Variants in PAWR observed in about 807,000 individuals in gnomAD.
PAWR encodes pro-apoptotic WT1 regulator, also known as PRKC apoptosis WT1 regulator protein.
PAWR carries 23 observed loss-of-function variants against 32.0 expected under a neutral mutation model. The observed-to-expected ratio is 0.72, with a 90% CI of 0.52 to 1.02. The LOEUF is 1.02. PAWR is among the 50% of genes least tolerant of loss of function. The pLI, the probability that PAWR is intolerant of heterozygous loss-of-function variation, is 0.00. For missense variants in PAWR, 457 were observed against 437.7 expected (o/e 1.04, Z -0.39); for synonymous variants, 226 against 187.1 (o/e 1.21, Z -1.70).
At chr12:79,615,091 G>A (rs1168236323) in intron 3 of PAWR, among the ~76,000 whole-genome samples, 2 of 152,262 alleles carry the variant, frequency 1.3e-5, no homozygotes, top group South Asian at 2.1e-4. Flanking sequence ...ACTGGGATAT[G>A]GAAAAATCTT....
rs535238203 is a variant in PAWR at position 79,637,227 on chromosome 12, C to A, written c.517-16020G>T. Among the ~76,000 whole-genome samples the A allele has an allele frequency of 8.5e-5, 13 of 152,158 alleles. No individual in the cohort carries two copies. The South Asian group carries it at 2.5e-3, about 29-fold the overall frequency. On this transcript the variant is annotated intron_variant, in intron 2 of 6. Coordinates refer to ENST00000328827, the MANE Select transcript of PAWR (RefSeq NM_002583.4). ...CTATTTGGGATCACACAATTACAAA[C>A]CATGTGTGTGGATTAAGTGCCTGTG...
chr12:79,593,946 C>T (rs1362758136), intron 6 of PAWR, among the ~76,000 whole-genome samples: 5 of 151,722 alleles, frequency 3.3e-5, no homozygotes, highest in African/African-American at 9.7e-5. Context: ...TCACGTGATC[C>T]GCCCTCCTCG....
At chr12:79,600,415 A>C (rs1423539438) in intron 4 of PAWR, among the ~76,000 whole-genome samples, 2 of 151,242 alleles carry the variant, frequency 1.3e-5, no homozygotes, top group African/African-American at 4.9e-5. Flanking sequence ...TAAATTATTT[A>C]TGGGACGAGA....
intron 2 of PAWR, among the ~76,000 whole-genome samples, chr12:79,678,868 A>T (rs199761859): frequency 5.8e-3 from 745 of 127,506 alleles, no homozygotes; most frequent in Admixed American, 0.011. Context: ...CCTTTAGGGT[A>T]TTTTTTTTTT....
intron 2 of PAWR, among the ~76,000 whole-genome samples, chr12:79,664,664 G>GA (rs886744048): frequency 6.7e-6 from 1 of 148,676 alleles, no homozygotes; most frequent in East Asian, 2.0e-4. Context: ...TTGGCGGGGG[G>GA]GGGAGGAGAG....
At chr12:79,673,079 T>C (rs1046464478) in intron 2 of PAWR, among the ~76,000 whole-genome samples, 2 of 152,162 alleles carry the variant, frequency 1.3e-5, no homozygotes, top group Non-Finnish European at 2.9e-5. Flanking sequence ...TAATCATATT[T>C]CTTTTTTTGA....
intron 2 of PAWR, among the ~76,000 whole-genome samples, chr12:79,638,306 T>C (rs764050443): frequency 1.3e-5 from 2 of 152,172 alleles, no homozygotes; most frequent in Non-Finnish European, 2.9e-5. Context: ...TATATTTATG[T>C]ATCTTCATTT....
chr12:79,589,573 T>C lies in PAWR; in HGVS notation c.*3034A>G, dbSNP rs1873487571. ...GACAGTGCTAATCTACTATATTTAG[T>C]AAATCCCTTAGTACCTATAAATACA... On this transcript the variant is annotated 3_prime_UTR_variant, in exon 7 of 7. Transcript: ENST00000328827. The C allele has an allele frequency of 6.6e-6, 1 of 152,118 alleles. No homozygotes were observed. Among genetic ancestry groups the C allele is most frequent in the Non-Finnish European group, 1.5e-5 (1 of 67,978 alleles). 9.4% of individuals were successfully genotyped at this position (152,118 alleles called of 1,614,324 possible).
intron 2 of PAWR, among the ~76,000 whole-genome samples, chr12:79,638,103 A>ATAC (rs1263193353): frequency 3.3e-5 from 5 of 151,876 alleles, no homozygotes; most frequent in Non-Finnish European, 4.4e-5. Flanking sequence ...CTCTTTAAAC[A>ATAC]TACTGTCATT....
At chr12:79,604,395 T>C (rs1450429241) in intron 4 of PAWR, 1 of 1,019,144 alleles carries the variant, frequency 9.8e-7, no homozygotes, top group African/African-American at 1.7e-5. Context: ...GGTGTTGTGT[T>C]GGGGAAAATT....
chr12:79,666,812 A>C (rs1877628543), intron 2 of PAWR, among the ~76,000 whole-genome samples: 1 of 152,242 alleles, frequency 6.6e-6, no homozygotes, highest in African/African-American at 2.4e-5. Flanking sequence ...AAATGCTCAT[A>C]CATACAGTGA....
At chr12:79,646,728 T>C (rs866152703) in intron 2 of PAWR, among the ~76,000 whole-genome samples, 1 of 152,216 alleles carries the variant, frequency 6.6e-6, no homozygotes, top group South Asian at 2.1e-4. Context: ...GGTAAATAGA[T>C]AATTCAATAC....
At chr12:79,668,231 A>G (rs1003776739) in intron 2 of PAWR, 1 of 152,206 alleles carries the variant, frequency 6.6e-6, no homozygotes, top group African/African-American at 2.4e-5. Context: ...TAATGTTTCA[A>G]GTTAGAAGAA....
chr12:79,647,807 T>A (rs537455286), intron 2 of PAWR, among the ~76,000 whole-genome samples: 2 of 152,318 alleles, frequency 1.3e-5, no homozygotes, highest in East Asian at 1.9e-4. Flanking sequence ...CAACTAAGTA[T>A]CAAAATTAAA....
intron 2 of PAWR, among the ~76,000 whole-genome samples, chr12:79,643,909 A>C (rs1876450535): frequency 2.0e-5 from 3 of 152,196 alleles, no homozygotes; most frequent in South Asian, 4.1e-4. Context: ...CATTGGACTA[A>C]ATAATTACTA....
chr12:79,635,460 G>A (rs1221144989), intron 2 of PAWR: 2 of 152,072 alleles, frequency 1.3e-5, no homozygotes, highest in African/African-American at 2.4e-5. Flanking sequence ...AGAAAGAAAA[G>A]ACCTACACCT....
chr12:79,604,047 G>A (rs1468965044), intron 4 of PAWR: 1 of 157,600 alleles, frequency 6.3e-6, no homozygotes. Context: ...TTATGTTTTA[G>A]GGAATACTGT....
intron 3 of PAWR, among the ~76,000 whole-genome samples, chr12:79,618,491 T>C (rs1399660708): frequency 6.6e-6 from 1 of 152,228 alleles, no homozygotes; most frequent in African/African-American, 2.4e-5. Flanking sequence ...ATATACATTA[T>C]TATGAACTAT....
intron 2 of PAWR, among the ~76,000 whole-genome samples, chr12:79,644,461 C>G (rs935702996): frequency 1.3e-5 from 2 of 152,152 alleles, no homozygotes; most frequent in African/African-American, 4.8e-5. Flanking sequence ...AGCCAGTCAC[C>G]TAAGTGGAAG....
Sources: allele counts gnomAD v4.1 joint callset (sites outside exome capture counted in the v4.1 genomes callset), GRCh38; gene constraint gnomAD v4.1.1; transcripts MANE v1.5; gene names NCBI Gene and HGNC (gene_info 2026-07-23, HGNC 2026-07-21).